CNTN1: variants seen among roughly 807,000 people sequenced by gnomAD.
The protein encoded by CNTN1 is contactin 1, also known as contactin-1.
CNTN1 carries 38 observed loss-of-function variants against 126.4 expected under a neutral mutation model. The ratio of observed to expected loss-of-function variants is 0.30; its 90% CI spans 0.23 to 0.39. CNTN1 has a LOEUF of 0.39. CNTN1 is among the 10% of genes least tolerant of loss of function. The probability of loss-of-function intolerance (pLI) is 1.00; values close to 1 mark genes in which losing one functional copy is unlikely to be tolerated. For synonymous variants in CNTN1, 413 were observed against 422.6 expected, an observed-to-expected ratio of 0.98 and a Z score of 0.28; for missense variants, 1,009 against 1,248.4, an observed-to-expected ratio of 0.81 and a Z score of 2.89.
At chr12:40,698,132 G>C (rs1029540044) in intron 1 of CNTN1, among the ~76,000 whole-genome samples, 1 of 151,660 alleles carries the variant, frequency 6.6e-6, no homozygotes, top group East Asian at 1.9e-4. Flanking sequence ...AGGTTTGCCC[G>C]GTTCTCCAGA....
At chr12:41,049,021 C>G (rs1949612759) in intron 23 of CNTN1, among the ~76,000 whole-genome samples, 1 of 152,056 alleles carries the variant, frequency 6.6e-6, no homozygotes, top group Admixed American at 6.6e-5. Context: ...AGGAGTAGTC[C>G]TCTCCTTACT....
At chr12:40,901,168 A>G (rs1944589189) in intron 1 of CNTN1, among the ~76,000 whole-genome samples, 1 of 151,496 alleles carries the variant, frequency 6.6e-6, no homozygotes, top group Admixed American at 6.6e-5. Flanking sequence ...TTGCCCAAAA[A>G]TGCATAGCTA....
intron 6 of CNTN1, among the ~76,000 whole-genome samples, chr12:40,929,176 G>A (rs187516737): frequency 6.6e-6 from 1 of 151,994 alleles, no homozygotes; most frequent in Admixed American, 6.6e-5. Flanking sequence ...TAGTTAGTGT[G>A]TTCAGCCAAA....
intron 1 of CNTN1, among the ~76,000 whole-genome samples, chr12:40,720,598 AAAGTTTAAT>A (rs1217481745): frequency 6.6e-6 from 1 of 152,200 alleles, no homozygotes; most frequent in African/African-American, 2.4e-5. Context: ...AATCTCCTTG[AAAGTTTAAT>A]AATCATAACA....
chr12:40,909,440 G>T (rs1398659247), intron 2 of CNTN1, among the ~76,000 whole-genome samples: 1 of 151,744 alleles, frequency 6.6e-6, no homozygotes, highest in Non-Finnish European at 1.5e-5. Flanking sequence ...TCATGATAAT[G>T]ACCTAACCCA....
chr12:40,718,875 C>G (rs1046883403), intron 1 of CNTN1, among the ~76,000 whole-genome samples: 3 of 152,094 alleles, frequency 2.0e-5, no homozygotes, highest in Non-Finnish European at 4.4e-5. Flanking sequence ...TTTCTGGGCC[C>G]TGGCTATTCA....
chr12:41,044,721 G>A (rs1184701222), intron 23 of CNTN1, among the ~76,000 whole-genome samples: 7 of 151,970 alleles, frequency 4.6e-5, no homozygotes, highest in African/African-American at 1.7e-4. Context: ...CTTTGGAAAA[G>A]GACGTCAGAA....
chr12:40,870,865 C>T (rs1476420769), intron 1 of CNTN1, among the ~76,000 whole-genome samples: 1 of 152,106 alleles, frequency 6.6e-6, no homozygotes, highest in African/African-American at 2.4e-5. Flanking sequence ...CTAATGAGAA[C>T]TACAGCATCC....
At chr12:41,018,837 T>C (rs186737995) in intron 19 of CNTN1, among the ~76,000 whole-genome samples, 64 of 152,240 alleles carry the variant, frequency 4.2e-4, no homozygotes, top group African/African-American at 1.4e-3. Context: ...ACTTATATTC[T>C]CTATGCTTGT....
intron 1 of CNTN1, among the ~76,000 whole-genome samples, chr12:40,828,961 AG>A (rs1433395451): frequency 6.6e-6 from 1 of 152,190 alleles, no homozygotes; most frequent in African/African-American, 2.4e-5. Context: ...TACCCAAAAA[AG>A]AGTTTTATTT....
At chr12:40,830,200 A>G (rs1349588577) in intron 1 of CNTN1, among the ~76,000 whole-genome samples, 1 of 152,138 alleles carries the variant, frequency 6.6e-6, no homozygotes, top group African/African-American at 2.4e-5. Context: ...CAGATCACGT[A>G]AGGAAAATCT....
intron 1 of CNTN1, among the ~76,000 whole-genome samples, chr12:40,772,979 T>C (rs1430246439): frequency 6.6e-6 from 1 of 151,898 alleles, no homozygotes; most frequent in African/African-American, 2.4e-5. Flanking sequence ...TGCGAATATA[T>C]ATCGTGGATT....
chr12:40,965,537 A>G (rs943429434), intron 15 of CNTN1, among the ~76,000 whole-genome samples: 3 of 152,170 alleles, frequency 2.0e-5, no homozygotes, highest in African/African-American at 4.8e-5. Context: ...TATCTGGCAT[A>G]TGCTAATACA....
At chr12:40,822,014 G>T (rs918837530) in intron 1 of CNTN1, among the ~76,000 whole-genome samples, 3 of 151,866 alleles carry the variant, frequency 2.0e-5, no homozygotes, top group Non-Finnish European at 4.4e-5. Flanking sequence ...AGTACTATGT[G>T]CAATTGAAAT....
chr12:40,986,468 C>T (rs1947956613), intron 16 of CNTN1, among the ~76,000 whole-genome samples: 1 of 152,114 alleles, frequency 6.6e-6, no homozygotes, highest in Non-Finnish European at 1.5e-5. Flanking sequence ...ATGATCAGAC[C>T]TCCTACATAT....
At chr12:40,870,322 T>C (rs1347032548) in intron 1 of CNTN1, among the ~76,000 whole-genome samples, 2 of 152,170 alleles carry the variant, frequency 1.3e-5, no homozygotes, top group Non-Finnish European at 2.9e-5. Context: ...GGACTACTCA[T>C]GGCAGAATCT....
intron 23 of CNTN1, among the ~76,000 whole-genome samples, chr12:41,039,151 G>T (rs1949338022): frequency 6.6e-6 from 1 of 152,156 alleles, no homozygotes; most frequent in Non-Finnish European, 1.5e-5. Context: ...TTTAAGGTGG[G>T]AAGTGACATG....
At chr12:40,988,432 T>G (rs897235938) in intron 16 of CNTN1, among the ~76,000 whole-genome samples, 2 of 152,190 alleles carry the variant, frequency 1.3e-5, no homozygotes, top group African/African-American at 4.8e-5. Flanking sequence ...GGAGTTATTC[T>G]TGACACAATC....
chr12:40,694,033 C>T (rs921319740), intron 1 of CNTN1, among the ~76,000 whole-genome samples: 17 of 152,196 alleles, frequency 1.1e-4, no homozygotes, highest in Non-Finnish European at 2.4e-4. Context: ...TGAACCTTAC[C>T]AGCCCGAAGT....
Sources: allele counts gnomAD v4.1 joint callset (sites outside exome capture counted in the v4.1 genomes callset), GRCh38; gene constraint gnomAD v4.1.1; transcripts MANE v1.5; gene names NCBI Gene and HGNC (gene_info 2026-07-23, HGNC 2026-07-21).